Variants in L3MBTL4 observed in about 807,000 individuals in gnomAD.
L3MBTL4 encodes L3MBTL histone methyl-lysine binding protein 4.
A neutral mutation model predicts 84.5 loss-of-function variants in L3MBTL4; 70 were observed. That is an observed-to-expected ratio of 0.83 (90% CI 0.68 to 1.01). The LOEUF is 1.01. Among genes scored for constraint, L3MBTL4 ranks in the 50% least tolerant of loss-of-function variants. The pLI is 0.00. For synonymous variants in L3MBTL4, 274 were observed against 259.8 expected (o/e 1.05, Z -0.52); for missense variants, 715 against 754.8 (o/e 0.95, Z 0.62).
chr18:6,349,926 A>T lies in L3MBTL4; in HGVS notation c.-90-37870T>A, dbSNP rs116738174. The stretch of plus-strand genomic sequence containing the variant: ...GGTTTTCCAGATGTGTTCACTTCAT[A>T]AAAAAAATAAATAAAATCCACTACA... On this transcript the variant is annotated intron_variant, in intron 1 of 18. Transcript: ENST00000317931. Among the ~76,000 whole-genome samples the T allele has an allele frequency of 2.7e-3, 411 of 152,034 alleles. 2 individuals are homozygous for T. Among genetic ancestry groups the T allele is most frequent in the African/African-American group, 9.4e-3 (391 of 41,466 alleles).
At chr18:5,980,652 G>A (rs1304141057) in intron 16 of L3MBTL4, among the ~76,000 whole-genome samples, 2 of 151,906 alleles carry the variant, frequency 1.3e-5, no homozygotes, top group African/African-American at 4.8e-5. Context: ...GGCTGGTCTC[G>A]AACTCCTGAC....
intron 4 of L3MBTL4, among the ~76,000 whole-genome samples, chr18:6,266,189 G>A (rs1399516677): frequency 1.3e-5 from 2 of 152,108 alleles, no homozygotes; most frequent in Non-Finnish European, 1.5e-5. Flanking sequence ...ACTTCTATGT[G>A]CTAAGCAACA....
At chr18:6,322,678 A>T (rs1005128607) in intron 1 of L3MBTL4, among the ~76,000 whole-genome samples, 3 of 152,184 alleles carry the variant, frequency 2.0e-5, no homozygotes, top group African/African-American at 7.2e-5. Flanking sequence ...TTCAACCATA[A>T]AAAGTGAGAT....
chr18:6,217,340 GT>G (rs2145844351), intron 10 of L3MBTL4, among the ~76,000 whole-genome samples: 1 of 152,128 alleles, frequency 6.6e-6, no homozygotes, highest in Non-Finnish European at 1.5e-5. Context: ...ACAGAGATTT[GT>G]TTTCTTCTGT....
chr18:6,014,196 TA>T lies in L3MBTL4; in HGVS notation c.1445-44635del, dbSNP rs1290319669. Among the ~76,000 whole-genome samples the T allele has an allele frequency of 4.6e-5, 7 of 152,336 alleles. 1 individual carries two copies. In the South Asian group the frequency reaches 1.5e-3, roughly 32 times the overall value. Reference sequence around the variant, plus strand: ...AAAGGTGCTGTATAAAGATAATGGTTACACAAACATAATGCATCCTTAAAGT... The same window carrying T: ...AAAGGTGCTGTATAAAGATAATGGTTCACAAACATAATGCATCCTTAAAGT... On this transcript the variant is annotated intron_variant, in intron 16 of 18. Coordinates refer to ENST00000317931, the MANE Select transcript of L3MBTL4 (RefSeq NM_001330559.2).
chr18:5,979,673 T>A (rs2053118859), intron 16 of L3MBTL4, among the ~76,000 whole-genome samples: 2 of 152,200 alleles, frequency 1.3e-5, no homozygotes, highest in Non-Finnish European at 2.9e-5. Flanking sequence ...TTTCTCACAC[T>A]GCCTGTACAT....
intron 16 of L3MBTL4, among the ~76,000 whole-genome samples, chr18:6,010,928 T>C (rs895995383): frequency 6.6e-6 from 1 of 152,194 alleles, no homozygotes; most frequent in African/African-American, 2.4e-5. Context: ...AGAATCACCC[T>C]TCACTTGTCA....
rs568499429 is a variant in L3MBTL4 at position 6,232,133 on chromosome 18, T to C, written c.784+5831A>G. Among the ~76,000 whole-genome samples, 49 of 152,324 alleles carry C rather than the reference T, an allele frequency of 3.2e-4. No individual in the cohort carries two copies. In the South Asian group the frequency reaches 3.7e-3, roughly 12 times the overall value. On this transcript the variant is annotated intron_variant, in intron 10 of 18. Transcript: ENST00000317931. The stretch of plus-strand genomic sequence containing the variant: ...CTTGTCAAATGCTTTTCTGCCTTAA[T>C]TGCAATAGCATGTGGTTTTTTCTCT...
intron 14 of L3MBTL4, among the ~76,000 whole-genome samples, chr18:6,108,161 A>G (rs1376772688): frequency 6.6e-6 from 1 of 152,168 alleles, no homozygotes; most frequent in East Asian, 1.9e-4. Context: ...CTCCAACTGC[A>G]GTCCAGGTTG....
At chr18:5,977,249 C>A (rs2052986514) in intron 16 of L3MBTL4, among the ~76,000 whole-genome samples, 3 of 152,240 alleles carry the variant, frequency 2.0e-5, no homozygotes, top group Admixed American at 6.5e-5. Flanking sequence ...CTCCTCCCTG[C>A]AAGCTGCGGC....
At chr18:6,226,501 T>C (rs749529013) in intron 10 of L3MBTL4, among the ~76,000 whole-genome samples, 6 of 152,162 alleles carry the variant, frequency 3.9e-5, no homozygotes, top group Non-Finnish European at 7.4e-5. Context: ...ATAGAACATA[T>C]AGAAGGTAAA....
chr18:5,983,366 G>A (rs954720190), intron 16 of L3MBTL4, among the ~76,000 whole-genome samples: 9 of 152,168 alleles, frequency 5.9e-5, no homozygotes, highest in African/African-American at 2.2e-4. Flanking sequence ...CTACCCAGTC[G>A]TAGATAACCG....
At position 6,152,434 on chromosome 18, in the gene L3MBTL4, G is replaced by A. The variant is rs190805530; in HGVS notation, c.1097-14138C>T. On this transcript the variant is annotated intron_variant, in intron 13 of 18. Transcript: ENST00000317931. Reference sequence around the variant, plus strand: ...TTTTTGATAACAATCATCCTAACAGGTGTTAGGTGATATCTCACTGTAGTT... The same window carrying A: ...TTTTTGATAACAATCATCCTAACAGATGTTAGGTGATATCTCACTGTAGTT... 3.2e-3 allele frequency among the ~76,000 whole-genome samples: 494 copies of A among 152,082 alleles called. 7 individuals are homozygous for A. The highest frequency in any genetic ancestry group is 0.011 in the African/African-American group (470 of 41,486).
chr18:5,967,467 T>C (rs1470863594), intron 17 of L3MBTL4, among the ~76,000 whole-genome samples: 1 of 152,264 alleles, frequency 6.6e-6, no homozygotes, highest in Admixed American at 6.5e-5. Context: ...CCACCTCTGT[T>C]TCCCCATCAA....
chr18:6,198,794 G>A lies in L3MBTL4; in HGVS notation c.981+14355C>T, dbSNP rs75085278. 2.9e-3 allele frequency among the ~76,000 whole-genome samples: 443 copies of A among 152,294 alleles called. 1 individual carries two copies. The highest frequency in any genetic ancestry group is 9.8e-3 in the African/African-American group (409 of 41,568). ...GTTGACAGTGATAGGCTGGTCACAT[G>A]TAATACTAGAGAATAGTTACTAAAC... On this transcript the variant is annotated intron_variant, in intron 12 of 18. Coordinates refer to ENST00000317931, the MANE Select transcript of L3MBTL4 (RefSeq NM_001330559.2).
chr18:6,262,563 A>G (rs1294724598), intron 5 of L3MBTL4, among the ~76,000 whole-genome samples: 1 of 152,140 alleles, frequency 6.6e-6, no homozygotes, highest in Non-Finnish European at 1.5e-5. Context: ...AAACCTGCAC[A>G]AAGAATGCAG....
chr18:6,196,911 G>A (rs1568298729), intron 12 of L3MBTL4, among the ~76,000 whole-genome samples: 1 of 152,186 alleles, frequency 6.6e-6, no homozygotes, highest in African/African-American at 2.4e-5. Context: ...GTCAGCCCCG[G>A]CTTTCTCTCA....
intron 13 of L3MBTL4, among the ~76,000 whole-genome samples, chr18:6,148,983 A>T (rs1003470438): frequency 6.6e-6 from 1 of 152,136 alleles, no homozygotes; most frequent in Admixed American, 6.5e-5. Flanking sequence ...TTATCTTTTA[A>T]ACTTTACCCT....
intron 17 of L3MBTL4, among the ~76,000 whole-genome samples, chr18:5,968,716 TAAA>T (rs1487573551): frequency 6.7e-6 from 1 of 149,290 alleles, no homozygotes; most frequent in Non-Finnish European, 1.5e-5. Context: ...TAAAATAAAA[TAAA>T]ATAAAATAAA....
Sources: allele counts gnomAD v4.1 joint callset (sites outside exome capture counted in the v4.1 genomes callset), GRCh38; gene constraint gnomAD v4.1.1; transcripts MANE v1.5; gene names NCBI Gene and HGNC (gene_info 2026-07-23, HGNC 2026-07-21).